Variants in MIPOL1 observed in about 807,000 individuals in gnomAD.
MIPOL1 encodes the protein mirror-image polydactyly 1.
MIPOL1 carries 57 observed loss-of-function variants against 60.9 expected under a neutral mutation model. The ratio of observed to expected loss-of-function variants is 0.94; its 90% CI spans 0.76 to 1.17. The LOEUF (loss-of-function observed/expected upper bound fraction) is 1.17, where lower values mean the gene tolerates loss of function less well. Among genes scored for constraint, MIPOL1 ranks in the 50% most tolerant of loss-of-function variants. The pLI, the probability that MIPOL1 is intolerant of heterozygous loss-of-function variation, is 0.00. For synonymous variants in MIPOL1, 179 were observed against 168.8 expected (o/e 1.06, Z -0.47); for missense variants, 551 against 511.6 (o/e 1.08, Z -0.74).
At chr14:37,523,214 C>G (rs939079989) in intron 12 of MIPOL1, among the ~76,000 whole-genome samples, 3 of 151,988 alleles carry the variant, frequency 2.0e-5, no homozygotes, top group Admixed American at 6.5e-5. Flanking sequence ...ATCTGTCTGC[C>G]TAATTATTTA....
chr14:37,296,219 A>G (rs1315394894), intron 7 of MIPOL1, among the ~76,000 whole-genome samples: 1 of 152,256 alleles, frequency 6.6e-6, no homozygotes, highest in African/African-American at 2.4e-5. Context: ...GTACATAACA[A>G]AATGAAGGCA....
intron 11 of MIPOL1, among the ~76,000 whole-genome samples, chr14:37,432,901 C>A (rs1247874158): frequency 1.3e-5 from 2 of 152,152 alleles, no homozygotes; most frequent in African/African-American, 4.8e-5. Flanking sequence ...GTTTATTATT[C>A]AGGGTTCTTC....
chr14:37,395,520 T>C (rs1424856066), intron 10 of MIPOL1, among the ~76,000 whole-genome samples: 1 of 152,124 alleles, frequency 6.6e-6, no homozygotes, highest in East Asian at 1.9e-4. Flanking sequence ...TTTGCAGCTA[T>C]TGTAAAAGGG....
intron 10 of MIPOL1, among the ~76,000 whole-genome samples, chr14:37,410,392 G>A (rs1296681976): frequency 6.6e-6 from 1 of 152,008 alleles, no homozygotes; most frequent in Non-Finnish European, 1.5e-5. Context: ...ATAACTGCCT[G>A]TTTAAAATTA....
At chr14:37,482,211 G>C (rs2094881729) in intron 11 of MIPOL1, among the ~76,000 whole-genome samples, 1 of 152,046 alleles carries the variant, frequency 6.6e-6, no homozygotes, top group African/African-American at 2.4e-5. Flanking sequence ...AATATGTAAG[G>C]CACTCAACTC....
rs1220405009 is a variant in MIPOL1 at position 37,448,754 on chromosome 14, T to G, written c.1031+25805T>G. ...GAAAGTTTTAAAGATCTTAGAGAAC[T>G]AAAAATCTTACTTTATACTGTTAAT... On this transcript the variant is annotated intron_variant, in intron 11 of 12. Transcript: ENST00000684589. 2.6e-5 allele frequency among the ~76,000 whole-genome samples: 4 copies of G among 152,262 alleles called. No individual in the cohort carries two copies. In the East Asian group the frequency reaches 7.7e-4, roughly 29 times the overall value.
chr14:37,461,621 G>T (rs1456818553), intron 11 of MIPOL1, among the ~76,000 whole-genome samples: 2 of 152,144 alleles, frequency 1.3e-5, no homozygotes, highest in Non-Finnish European at 2.9e-5. Flanking sequence ...TCAAAAGCAG[G>T]TTAGTTACTT....
chr14:37,422,730 C>A, intron 10 of MIPOL1, 125 bp from the exon 11 acceptor site: 1 of 637,462 alleles, frequency 1.6e-6, no homozygotes, highest in Non-Finnish European at 2.7e-6. Flanking sequence ...TGAGACACTG[C>A]TAAAAACATT....
chr14:37,268,263 T>A (rs1408275281), intron 4 of MIPOL1, among the ~76,000 whole-genome samples: 1 of 152,168 alleles, frequency 6.6e-6, no homozygotes, highest in African/African-American at 2.4e-5. Flanking sequence ...TTTCAGATTC[T>A]TACTAAGGTG....
At chr14:37,339,677 C>T (rs2090431710) in intron 9 of MIPOL1, among the ~76,000 whole-genome samples, 3 of 152,164 alleles carry the variant, frequency 2.0e-5, no homozygotes, top group South Asian at 2.1e-4. Context: ...CACAGTCTCT[C>T]ACACACACAA....
chr14:37,546,476 A>G (rs867706766), intron 12 of MIPOL1, among the ~76,000 whole-genome samples: 1 of 152,188 alleles, frequency 6.6e-6, no homozygotes, highest in South Asian at 2.1e-4. Context: ...ATACCAACCA[A>G]TGAATCACTT....
At position 37,270,438 on chromosome 14, in the gene MIPOL1, AAAG is replaced by A; in HGVS notation, c.411_413del (p.Glu137del). ...GCTTTAGCTTCAGCAGAAATTGGCT[AAAG>A]AAGATAAAGAACAGAGAAAACTAAA... On this transcript the variant is annotated inframe_deletion, in exon 6 of 13. Coordinates refer to ENST00000684589, the MANE Select transcript of MIPOL1 (RefSeq NM_001388067.1). The A allele has an allele frequency of 2.5e-6, 4 of 1,588,222 alleles. No individual in the cohort carries two copies. Among genetic ancestry groups the A allele is most frequent in the Non-Finnish European group, 3.4e-6 (4 of 1,166,078 alleles).
intron 10 of MIPOL1, among the ~76,000 whole-genome samples, chr14:37,410,652 T>G (rs990204827): frequency 6.6e-6 from 1 of 152,102 alleles, no homozygotes; most frequent in African/African-American, 2.4e-5. Context: ...TAAAACTATG[T>G]AAAAAGAATT....
intron 11 of MIPOL1, among the ~76,000 whole-genome samples, chr14:37,460,628 G>A (rs909424218): frequency 6.6e-6 from 1 of 152,100 alleles, no homozygotes; most frequent in African/African-American, 2.4e-5. Flanking sequence ...ACCTCCCAAA[G>A]ACTCCTAGAT....
intron 11 of MIPOL1, among the ~76,000 whole-genome samples, chr14:37,485,187 A>G (rs1348987159): frequency 2.0e-5 from 3 of 151,606 alleles, no homozygotes; most frequent in Non-Finnish European, 3.0e-5. Flanking sequence ...CGTTTTTTAT[A>G]TTCCATGGTG....
intron 12 of MIPOL1, among the ~76,000 whole-genome samples, chr14:37,515,881 C>G (rs1156703500): frequency 6.6e-6 from 1 of 152,154 alleles, no homozygotes; most frequent in African/African-American, 2.4e-5. Context: ...TTTTTTAACA[C>G]AGCTGTGAGA....
chr14:37,228,274 G>T (rs1015795449), intron 1 of MIPOL1, among the ~76,000 whole-genome samples: 3 of 150,604 alleles, frequency 2.0e-5, no homozygotes, highest in African/African-American at 7.3e-5. Context: ...AGTTGACACA[G>T]ATTTCTTGAA....
chr14:37,331,896 A>G (rs1002029363), intron 9 of MIPOL1, among the ~76,000 whole-genome samples: 6 of 152,156 alleles, frequency 3.9e-5, no homozygotes, highest in Non-Finnish European at 5.9e-5. Context: ...CACGCCTGTA[A>G]TCCCAGCACT....
intron 10 of MIPOL1, among the ~76,000 whole-genome samples, chr14:37,387,500 C>T (rs2093105937): frequency 6.6e-6 from 1 of 151,832 alleles, no homozygotes; most frequent in Admixed American, 6.6e-5. Context: ...TTTCCAGAAC[C>T]TCAGATTGTT....
Sources: gnomAD v4.1 joint callset for allele counts (sites outside exome capture counted in the v4.1 genomes callset) on GRCh38, gnomAD v4.1.1 for gene constraint, MANE v1.5 for transcripts, NCBI Gene and HGNC (gene_info 2026-07-23, HGNC 2026-07-21) for gene names.